Variants in TBC1D15 observed in about 807,000 individuals in gnomAD.
The protein encoded by TBC1D15 is TBC1 domain family member 15.
TBC1D15 carries 39 observed loss-of-function variants against 95.4 expected under a neutral mutation model. The observed-to-expected ratio is 0.41, with a 90% CI of 0.32 to 0.53. The LOEUF (loss-of-function observed/expected upper bound fraction) is 0.53. Among genes scored for constraint, TBC1D15 ranks in the 20% least tolerant of loss-of-function variants. The probability of loss-of-function intolerance (pLI) is 0.29; values close to 1 mark genes in which losing one functional copy is unlikely to be tolerated. For missense variants in TBC1D15, 733 were observed against 794.3 expected (o/e 0.92, Z 0.93); for synonymous variants, 258 against 261.3 (o/e 0.99, Z 0.12).
At chr12:71,887,132 A>G (rs148222393) in intron 5 of TBC1D15, among the ~76,000 whole-genome samples, 13 of 147,742 alleles carry the variant, frequency 8.8e-5, no homozygotes, top group East Asian at 4.1e-4. Context: ...AGTAAGTATC[A>G]TATTATTTTC....
At chr12:71,890,379 AGTG>A (rs1413512816) in intron 5 of TBC1D15, among the ~76,000 whole-genome samples, 1 of 152,212 alleles carries the variant, frequency 6.6e-6, no homozygotes, top group Non-Finnish European at 1.5e-5. Flanking sequence ...TTGGGATGCC[AGTG>A]GTCACCCCTC....
intron 1 of TBC1D15, among the ~76,000 whole-genome samples, chr12:71,859,647 G>T (rs1364475740): frequency 6.6e-6 from 1 of 151,014 alleles, no homozygotes; most frequent in African/African-American, 2.5e-5. Flanking sequence ...TCACTATGTT[G>T]CCCGGGCTGG....
At position 71,846,539 on chromosome 12, in the gene TBC1D15, C is replaced by G. The variant is rs142336809; in HGVS notation, c.30+6728C>G. Among the ~76,000 whole-genome samples the G allele has an allele frequency of 3.4e-3, 519 of 152,194 alleles. 1 individual carries two copies. Among genetic ancestry groups the G allele is most frequent in the Non-Finnish European group, 6.0e-3 (408 of 67,998 alleles). On this transcript the variant is annotated intron_variant, in intron 1 of 16. Transcript: ENST00000485960. Reference sequence around the variant, plus strand: ...ATTTTATACAGTCAGTTTAGCACCACCAAGTGGCAAGTCTTTGAATGCTCT... The same window carrying G: ...ATTTTATACAGTCAGTTTAGCACCAGCAAGTGGCAAGTCTTTGAATGCTCT...
intron 1 of TBC1D15, among the ~76,000 whole-genome samples, chr12:71,858,324 G>A (rs929104814): frequency 1.3e-5 from 2 of 151,884 alleles, no homozygotes; most frequent in African/African-American, 4.8e-5. Flanking sequence ...TGCCCACCTC[G>A]GCCTCCCAAA....
rs1032353392 is a variant in TBC1D15, at chr12:71,924,093, G to A, written c.*889G>A. 1 of 152,498 alleles carries A rather than the reference G, an allele frequency of 6.6e-6. No individual in the cohort carries two copies. The highest frequency in any genetic ancestry group is 1.5e-5 in the Non-Finnish European group (1 of 68,008). The allele number at this position is 152,498 out of a possible 1,614,324, so 9.4% of individuals were successfully genotyped here. On this transcript the variant is annotated 3_prime_UTR_variant, in exon 17 of 17. Coordinates refer to ENST00000485960, the MANE Select transcript of TBC1D15 (RefSeq NM_001146213.3). ...TAATGCATTAACTGATTAATCAGGTGTTTAAATTTTTATAAAATACTCTTG... is the reference window on the plus strand; with the variant it reads ...TAATGCATTAACTGATTAATCAGGTATTTAAATTTTTATAAAATACTCTTG...
intron 5 of TBC1D15, 39 bp from the exon 6 acceptor site, chr12:71,893,183 T>C: frequency 1.6e-6 from 2 of 1,232,204 alleles, no homozygotes; most frequent in Non-Finnish European, 1.1e-6. Flanking sequence ...ATTGATACAG[T>C]GTGTTAGTAT....
intron 1 of TBC1D15, chr12:71,849,756 A>G (rs533377147): frequency 7.2e-6 from 4 of 557,848 alleles, no homozygotes; most frequent in South Asian, 6.1e-5. Context: ...TCTTCTAGCA[A>G]CTCTTTCTCA....
intron 9 of TBC1D15, chr12:71,897,105 C>A (rs1294583206): frequency 5.5e-6 from 1 of 182,798 alleles, no homozygotes; most frequent in Non-Finnish European, 1.1e-5. Context: ...CATCTTGATT[C>A]ATTTTTATAA....
chr12:71,861,942 A>G (rs569313302), intron 1 of TBC1D15, among the ~76,000 whole-genome samples: 1 of 151,806 alleles, frequency 6.6e-6, no homozygotes, highest in South Asian at 2.1e-4. Flanking sequence ...TCTTTGGCCC[A>G]TTGGTCATTC....
chr12:71,888,166 T>C (rs945971259), intron 5 of TBC1D15, among the ~76,000 whole-genome samples: 6 of 152,196 alleles, frequency 3.9e-5, no homozygotes, highest in Admixed American at 3.3e-4. Flanking sequence ...TTTTCTAAAT[T>C]TGTAAACAAA....
chr12:71,902,845 C>G (rs1313188057), intron 10 of TBC1D15, among the ~76,000 whole-genome samples: 1 of 152,130 alleles, frequency 6.6e-6, no homozygotes, highest in Non-Finnish European at 1.5e-5. Flanking sequence ...AGGTCTAATA[C>G]CCAGAATCTG....
intron 7 of TBC1D15, among the ~76,000 whole-genome samples, chr12:71,895,182 G>A (rs1016230695): frequency 1.3e-5 from 2 of 151,936 alleles, no homozygotes; most frequent in South Asian, 4.1e-4. Context: ...TTACCTCTTA[G>A]TTCTGTTCCT....
chr12:71,840,113 TC>T (rs1275684859), intron 1 of TBC1D15, among the ~76,000 whole-genome samples: 2 of 152,294 alleles, frequency 1.3e-5, no homozygotes, highest in East Asian at 1.9e-4. Flanking sequence ...GTTCCTTTTT[TC>T]CCCCGATTCA....
At chr12:71,894,469 C>A in intron 6 of TBC1D15, 1 of 1,358,266 alleles carries the variant, frequency 7.4e-7, no homozygotes, top group South Asian at 1.2e-5. Flanking sequence ...ATTAACTTGT[C>A]ATTTATTATG....
At position 71,896,008 on chromosome 12, in the gene TBC1D15, C is replaced by T; in HGVS notation, c.917C>T (p.Thr306Ile). 5 of 1,612,446 alleles carry T rather than the reference C, an allele frequency of 3.1e-6. No individual in the cohort carries two copies. Among genetic ancestry groups the T allele is most frequent in the Non-Finnish European group, 4.2e-6 (5 of 1,178,848 alleles). The change falls in exon 8 of 17, where the codon ACT (threonine) becomes ATT (isoleucine). Residue 306 changes from threonine (T) to isoleucine (I), a missense_variant. By Grantham distance (89) the Thr-to-Ile change is moderately conservative. Transcript: ENST00000485960. ...GAACCGGTATCACTGGAAGAATGGACTAAGAACATTGATTCTGAAGGAAGA... is the reference window on the plus strand; with the variant it reads ...GAACCGGTATCACTGGAAGAATGGATTAAGAACATTGATTCTGAAGGAAGA... ...RREPVSLEEW[T>I]KNIDSEGRIL...
At chr12:71,839,913 TC>T in intron 1 of TBC1D15, 102 bp downstream of exon 1, 1 of 1,451,170 alleles carries the variant, frequency 6.9e-7, no homozygotes, top group Non-Finnish European at 9.6e-7. Flanking sequence ...ACTTTCTGTG[TC>T]CGGACAACCC....
chr12:71,887,481 A>G (rs1203211205), intron 5 of TBC1D15, among the ~76,000 whole-genome samples: 1 of 152,006 alleles, frequency 6.6e-6, no homozygotes, highest in Non-Finnish European at 1.5e-5. Context: ...ATCTCTTAAA[A>G]CTCATCTCAT....
At chr12:71,894,942 A>G in intron 7 of TBC1D15, 59 bp downstream of exon 7, 1 of 1,493,854 alleles carries the variant, frequency 6.7e-7, no homozygotes, top group Non-Finnish European at 9.1e-7. Flanking sequence ...CATGTACTAT[A>G]GAAATAGAAA....
chr12:71,883,131 T>TG, intron 4 of TBC1D15, among the ~76,000 whole-genome samples: 1 of 149,698 alleles, frequency 6.7e-6, no homozygotes, highest in East Asian at 2.0e-4. Flanking sequence ...TTTCTTTTTT[T>TG]CTTTTTTTTT....
Sources: gnomAD v4.1 joint callset for allele counts (sites outside exome capture counted in the v4.1 genomes callset) on GRCh38, gnomAD v4.1.1 for gene constraint, MANE v1.5 for transcripts, NCBI Gene and HGNC (gene_info 2026-07-23, HGNC 2026-07-21) for gene names.